ZNF138: variants seen among roughly 807,000 people sequenced by gnomAD.
ZNF138 encodes zinc finger protein 138 (clone pHZ-32).
A neutral mutation model predicts 33.0 loss-of-function variants in ZNF138; 33 were observed. That is an observed-to-expected ratio of 1.00 (90% CI 0.76 to 1.34). The LOEUF (loss-of-function observed/expected upper bound fraction) is 1.34, where lower values mean the gene tolerates loss of function less well. Ranked by LOEUF, ZNF138 falls within the 40% of genes most tolerant of loss-of-function variation. The pLI is 0.00. For missense variants in ZNF138, 360 were observed against 370.8 expected (o/e 0.97, Z 0.24); for synonymous variants, 139 against 120.4 (o/e 1.15, Z -1.01).
At chr7:64,842,425 T>C in the ZNF138 span, among the ~76,000 whole-genome samples, 1 of 152,260 alleles carries the variant, frequency 6.6e-6, no homozygotes, top group Non-Finnish European at 1.5e-5. Flanking sequence ...CTCTGTGGAT[T>C]TGAAATTTGG....
chr7:64,807,359 T>A (rs542198411), intron 1 of ZNF138, among the ~76,000 whole-genome samples: 2 of 152,216 alleles, frequency 1.3e-5, no homozygotes, highest in Non-Finnish European at 2.9e-5. Flanking sequence ...AATCCACTTA[T>A]AACTGCTGCT....
chr7:64,847,003 G>T, the ZNF138 span, among the ~76,000 whole-genome samples: 2 of 152,104 alleles, frequency 1.3e-5, no homozygotes, highest in Admixed American at 6.6e-5. Flanking sequence ...TGCTTTATCT[G>T]CATCTATTGA....
At position 64,801,488 on chromosome 7, in the gene ZNF138, A is replaced by G. The variant is rs184542556; in HGVS notation, c.3+6917A>G. Among the ~76,000 whole-genome samples, 110 of 152,222 alleles carry G rather than the reference A, an allele frequency of 7.2e-4. 1 individual carries two copies. The highest frequency in any genetic ancestry group is 2.5e-3 in the African/African-American group (105 of 41,540). On this transcript the variant is annotated intron_variant, in intron 1 of 3. Transcript: ENST00000307355. ...TATGGTTTCAAGTGGTTTTCCTTGT[A>G]TTGAATTATATTTTAATCAATCTGT... is the stretch of plus-strand genomic sequence containing the variant.
chr7:64,817,069 A>G lies in ZNF138; in HGVS notation c.208+1416A>G, dbSNP rs542340511. On this transcript the variant is annotated intron_variant, in intron 3 of 3. Coordinates refer to ENST00000307355, the MANE Select transcript of ZNF138 (RefSeq NM_001271639.2). ...GTCTGCATATGGTGGGCCTTATATC[A>G]GGATATGGATGAGTATGGCTTTCAC... Among the ~76,000 whole-genome samples the G allele has an allele frequency of 3.7e-4, 56 of 151,618 alleles. 1 individual carries two copies. Among genetic ancestry groups the G allele is most frequent in the Middle Eastern group, 3.4e-3 (1 of 294 alleles).
the ZNF138 span, among the ~76,000 whole-genome samples, chr7:64,855,070 C>T: frequency 3.3e-5 from 5 of 152,132 alleles, no homozygotes; most frequent in African/African-American, 1.2e-4. Flanking sequence ...AGCCATGTAA[C>T]TAACAGTCCA....
chr7:64,824,623 T>C (rs1789422112), intron 3 of ZNF138, among the ~76,000 whole-genome samples: 1 of 152,188 alleles, frequency 6.6e-6, no homozygotes, highest in Non-Finnish European at 1.5e-5. Context: ...TTTCTACATA[T>C]TGGAGCCCTG....
intron 1 of ZNF138, among the ~76,000 whole-genome samples, chr7:64,796,849 C>G (rs1188562658): frequency 6.6e-6 from 1 of 152,164 alleles, no homozygotes; most frequent in Non-Finnish European, 1.5e-5. Flanking sequence ...TCTAGACCAG[C>G]CTGGCCAACA....
chr7:64,803,746 A>G (rs549804328), intron 1 of ZNF138, among the ~76,000 whole-genome samples: 79 of 152,332 alleles, frequency 5.2e-4, no homozygotes, highest in African/African-American at 1.8e-3. Flanking sequence ...GTTACAGACA[A>G]TTTTTAAAAA....
At chr7:64,817,993 A>AT (rs1243946302) in intron 3 of ZNF138, among the ~76,000 whole-genome samples, 19 of 129,562 alleles carry the variant, frequency 1.5e-4, no homozygotes, top group African/African-American at 2.6e-4. Context: ...TATTATTATT[A>AT]TTATTTTTTT....
chr7:64,852,603 G>A, the ZNF138 span: 2 of 1,522,254 alleles, frequency 1.3e-6, no homozygotes, highest in South Asian at 2.2e-5. Flanking sequence ...CAGATCAGAA[G>A]CCCGCCTGTC....
At chr7:64,839,110 T>C in the ZNF138 span, among the ~76,000 whole-genome samples, 3 of 152,228 alleles carry the variant, frequency 2.0e-5, no homozygotes, top group African/African-American at 7.2e-5. Flanking sequence ...AATTTGATTT[T>C]TGACTATTTG....
At chr7:64,845,874 G>A in the ZNF138 span, among the ~76,000 whole-genome samples, 1,751 of 152,098 alleles carry the variant, frequency 0.012, 30 homozygotes, top group African/African-American at 0.039. Flanking sequence ...CTGGGTTTTT[G>A]TTTATAGTTT....
intron 1 of ZNF138, among the ~76,000 whole-genome samples, chr7:64,805,014 A>G (rs1263592330): frequency 6.6e-6 from 1 of 152,194 alleles, no homozygotes; most frequent in Non-Finnish European, 1.5e-5. Flanking sequence ...TCTGTGAATG[A>G]GGTGGGCTGT....
the ZNF138 span, among the ~76,000 whole-genome samples, chr7:64,848,127 G>C: frequency 6.6e-6 from 1 of 150,472 alleles, no homozygotes; most frequent in East Asian, 1.9e-4. Context: ...AGTTTCACTG[G>C]ATAAAAAATT....
At chr7:64,812,078 TTTAA>T (rs553129036) in intron 1 of ZNF138, among the ~76,000 whole-genome samples, 25 of 152,290 alleles carry the variant, frequency 1.6e-4, no homozygotes, top group African/African-American at 5.5e-4. Context: ...TTCATGTTGT[TTTAA>T]TTAAGTTCCT....
the ZNF138 span, chr7:64,852,761 G>T: frequency 1.1e-6 from 1 of 883,856 alleles, no homozygotes; most frequent in Non-Finnish European, 1.9e-6. Flanking sequence ...CAGGGGTTTT[G>T]TCAACACCAG....
At chr7:64,808,120 T>A (rs1219485245) in intron 1 of ZNF138, among the ~76,000 whole-genome samples, 1 of 152,160 alleles carries the variant, frequency 6.6e-6, no homozygotes. Context: ...TAGGCATCTC[T>A]GAGACATTTG....
At chr7:64,837,186 ATGT>A (rs1235169341), downstream of ZNF138, among the ~76,000 whole-genome samples, 1 of 152,012 alleles carries the variant, frequency 6.6e-6, no homozygotes, top group African/African-American at 2.4e-5. Context: ...AAGTGGCCTG[ATGT>A]TGTGTAGGTG....
rs1249286739 is a variant in ZNF138 at position 64,832,137 on chromosome 7, A to G, written c.895A>G (p.Ile299Val). 3 of 1,612,618 alleles carry G rather than the reference A, an allele frequency of 1.9e-6. No homozygotes were observed. The highest frequency in any genetic ancestry group is 1.3e-5 in the African/African-American group (1 of 74,902). Residue 299 changes from isoleucine (I) to valine (V), a missense_variant, in exon 4 of 4, where the codon ATA becomes GTA. Physicochemically the swap from Ile to Val is conservative, Grantham distance 29 (BLOSUM62 3). Transcript: ENST00000307355. The stretch of plus-strand genomic sequence containing the variant: ...GTCCCCAACCCTTACTAAACATCAG[A>G]TAATTTATACTGGAGAGGAACCATA... Reference protein sequence around the residue: ...KQSPTLTKHQIIYTGEEPYKC... With the variant: ...KQSPTLTKHQVIYTGEEPYKC...
Sources: allele counts gnomAD v4.1 joint callset (sites outside exome capture counted in the v4.1 genomes callset), GRCh38; gene constraint gnomAD v4.1.1; transcripts MANE v1.5; gene names NCBI Gene and HGNC (gene_info 2026-07-23, HGNC 2026-07-21).